The following PCDHGA1 variants were observed in gnomAD, a reference collection of about 807,000 sequenced individuals.
The protein encoded by PCDHGA1 is protocadherin gamma subfamily A, 1.
Under a neutral mutation model 58.0 loss-of-function variants are expected in PCDHGA1, and 32 were observed. That is an observed-to-expected ratio of 0.55 (90% CI 0.42 to 0.74). The LOEUF (loss-of-function observed/expected upper bound fraction) is 0.74. Ranked by LOEUF, PCDHGA1 falls within the 30% of genes least tolerant of loss-of-function variation. The probability of loss-of-function intolerance (pLI) is 0.00; values close to 1 mark genes in which losing one functional copy is unlikely to be tolerated. For synonymous variants in PCDHGA1, 498 were observed against 501.1 expected (o/e 0.99, Z 0.08); for missense variants, 1,205 against 1,182.3 (o/e 1.02, Z -0.28).
chr5:141,415,095 C>G, intron 1 of PCDHGA1: 2 of 1,613,584 alleles, frequency 1.2e-6, no homozygotes, highest in Non-Finnish European at 1.7e-6. Context: ...TGGACAGAGA[C>G]GCGCTCAAGC....
At chr5:141,361,473 C>T (rs374176708) in intron 1 of PCDHGA1, 2 of 1,614,024 alleles carry the variant, frequency 1.2e-6, no homozygotes, top group Admixed American at 1.7e-5. Flanking sequence ...CCGACGTCAA[C>T]GATAATGCCC....
In PCDHGA1 at chr5:141,384,252, CT is replaced by C; in HGVS notation, c.2421+51149del. On this transcript the variant is annotated intron_variant, in intron 1 of 3. Transcript: ENST00000517417. ...CAGACACCAACGATAACCCACCCAC[CT>C]TCCCCCACTCATCCTACTCAGTCTA... 4 of 1,613,902 alleles carry C rather than the reference CT, an allele frequency of 2.5e-6. 1 individual carries two copies. In the South Asian group the frequency reaches 4.4e-5, roughly 18 times the overall value.
chr5:141,478,826 G>A, intron 1 of PCDHGA1: 2 of 1,439,244 alleles, frequency 1.4e-6, no homozygotes, highest in Non-Finnish European at 1.8e-6. Context: ...AACCAATCTT[G>A]CTAAGGGATG....
chr5:141,419,967 TTCTC>T (rs1324855239), intron 1 of PCDHGA1: 2 of 1,614,086 alleles, frequency 1.2e-6, no homozygotes, highest in Admixed American at 3.3e-5. Context: ...TCTGTGCTCT[TTCTC>T]CTCGCGGTGA....
At chr5:141,384,714 A>T (rs750526941) in intron 1 of PCDHGA1, 7 of 1,614,076 alleles carry the variant, frequency 4.3e-6, no homozygotes, top group Non-Finnish European at 5.9e-6. Context: ...CCTGGCTGTC[A>T]TACCTCCTGC....
chr5:141,424,962 C>G (rs1018789700), intron 1 of PCDHGA1, among the ~76,000 whole-genome samples: 2 of 152,116 alleles, frequency 1.3e-5, no homozygotes, highest in Admixed American at 6.6e-5. Flanking sequence ...GTATTTGCCC[C>G]AAATTACTTG....
Position 141,489,101 on chromosome 5 carries a change from T to C in PCDHGA1, c.2422-5706T>C. The C allele has an allele frequency of 2.5e-6, 1 of 398,412 alleles. No homozygotes were observed. The highest frequency in any genetic ancestry group is 4.3e-5 in the South Asian group (1 of 23,096). The allele number at this position is 398,412 out of a possible 1,614,324, so 24.7% of individuals were successfully genotyped here. A position where few individuals can be genotyped will look rare whatever the true frequency, so the allele number is the denominator to read the frequency against. ...CCGCCACTCGGTGACTAAGAACTGC[T>C]GCAAGCAGGCAAACCTCCGAGCAGT... On this transcript the variant is annotated intron_variant, in intron 1 of 3. Coordinates refer to ENST00000517417, the MANE Select transcript of PCDHGA1 (RefSeq NM_018912.3). The surrounding 1 kb of genome is among the most constrained non-coding windows in gnomAD (Gnocchi z 4.5).
Position 141,338,937 on chromosome 5 carries a change from G to A in PCDHGA1, c.2421+5832G>A, listed in dbSNP as rs779240802. ...AGATTGGAATCCGCACTGGATGCTG[G>A]AAGTTGACTCGGAGAAAATTGCGAC... is the stretch of plus-strand genomic sequence containing the variant. On this transcript the variant is annotated intron_variant, in intron 1 of 3. Transcript: ENST00000517417. 22 of 1,522,400 alleles carry A rather than the reference G, an allele frequency of 1.4e-5. 1 individual carries two copies. The highest frequency in any genetic ancestry group is 1.9e-5 in the Non-Finnish European group (22 of 1,135,394). 94.3% of individuals were successfully genotyped at this position (1,522,400 alleles called of 1,614,324 possible).
chr5:141,388,747 C>T (rs1434278785), intron 1 of PCDHGA1: 2 of 1,613,862 alleles, frequency 1.2e-6, no homozygotes, highest in African/African-American at 1.3e-5. Context: ...AGCCAGATCA[C>T]CCAATTTGAC....
chr5:141,371,657 G>C (rs761215785), intron 1 of PCDHGA1: 5 of 1,613,870 alleles, frequency 3.1e-6, no homozygotes, highest in South Asian at 1.1e-5. Flanking sequence ...ACAATGTGAC[G>C]ATCACAGCTA....
chr5:141,365,825 G>C (rs772088278), intron 1 of PCDHGA1: 1 of 1,613,942 alleles, frequency 6.2e-7, no homozygotes, highest in African/African-American at 1.3e-5. Flanking sequence ...ATTTCAGGGG[G>C]CGCCCTTGTC....
At chr5:141,508,483 G>T (rs1186425031) in intron 3 of PCDHGA1, among the ~76,000 whole-genome samples, 2 of 152,154 alleles carry the variant, frequency 1.3e-5, no homozygotes, top group East Asian at 3.9e-4. Context: ...TTACATTCTG[G>T]ATTTCCATAT....
intron 1 of PCDHGA1, chr5:141,341,387 T>C (rs66823521): frequency 0.11 from 184,180 of 1,614,114 alleles, 12,047 homozygotes; most frequent in Non-Finnish European, 0.13. Context: ...AGAAGAAACG[T>C]TTTCTCAGGT....
chr5:141,435,745 A>T (rs2097777848), intron 1 of PCDHGA1, among the ~76,000 whole-genome samples: 1 of 152,184 alleles, frequency 6.6e-6, no homozygotes, highest in African/African-American at 2.4e-5. Context: ...TTTGAAAAGC[A>T]TTGCTTGATT....
At position 141,487,235 on chromosome 5, in the gene PCDHGA1, C is replaced by A. The variant is rs752316565; in HGVS notation, c.2422-7572C>A. ...TTCAGCTCCAAGGGAAGGAGAATCT[C>A]GTCTAACCCTCTACTTGGCTGTGTC... On this transcript the variant is annotated intron_variant, in intron 1 of 3. Coordinates refer to ENST00000517417, the MANE Select transcript of PCDHGA1 (RefSeq NM_018912.3). This position sits in a 1 kb window ranked among gnomAD's most constrained non-coding sequence, Gnocchi z 5.0. 11 of 1,614,126 alleles carry A rather than the reference C, an allele frequency of 6.8e-6. No homozygotes were observed. The highest frequency in any genetic ancestry group is 7.6e-6 in the Non-Finnish European group (9 of 1,179,994).
At position 141,432,247 on chromosome 5, in the gene PCDHGA1, C is replaced by G. The variant is rs139910620; in HGVS notation, c.2422-62560C>G. 61 of 1,614,264 alleles carry G rather than the reference C, an allele frequency of 3.8e-5. No homozygotes were observed. The African/African-American group carries it at 6.3e-4, about 17-fold the overall frequency. On this transcript the variant is annotated intron_variant, in intron 1 of 3. Transcript: ENST00000517417. The surrounding 1 kb of genome is among the most constrained non-coding windows in gnomAD (Gnocchi z 6.0). ...CTTATTCCCTGGCTGAGAACACCAT[C>G]CAAGGGGCAAGCCTATCGTCCTACG...
chr5:141,419,834 A>C, intron 1 of PCDHGA1: 1 of 1,614,072 alleles, frequency 6.2e-7, no homozygotes, highest in Non-Finnish European at 8.5e-7. Context: ...AGCCACTGCC[A>C]CGCTGCACCT....
chr5:141,431,023 C>G lies in PCDHGA1; in HGVS notation c.2422-63784C>G. 6.2e-7 allele frequency: 1 copy of G among 1,613,748 alleles called. No homozygotes were observed. Among genetic ancestry groups the G allele is most frequent in the Non-Finnish European group, 8.5e-7 (1 of 1,179,820 alleles). On this transcript the variant is annotated intron_variant, in intron 1 of 3. Transcript: ENST00000517417. This position sits in a 1 kb window ranked among gnomAD's most constrained non-coding sequence, Gnocchi z 4.8. ...GCAGCGGCAGCTTGGTCACGGCGGG[C>G]AGGATAGACCGGGAGGAGCTCTGTA...
chr5:141,500,184 T>TTTTATTTA (rs58019021), intron 2 of PCDHGA1, among the ~76,000 whole-genome samples: 1,392 of 135,954 alleles, frequency 0.01, 12 homozygotes, highest in South Asian at 0.02. Flanking sequence ...TCATTTTTAT[T>TTTTATTTA]TTTATTTATT....
Sources: allele counts gnomAD v4.1 joint callset (sites outside exome capture counted in the v4.1 genomes callset), GRCh38; gene constraint gnomAD v4.1.1; non-coding constraint Gnocchi (gnomAD v3.1); transcripts MANE v1.5; gene names NCBI Gene and HGNC (gene_info 2026-07-23, HGNC 2026-07-21).